Variants in STK3 observed in about 807,000 individuals in gnomAD.
The protein encoded by STK3 is serine/threonine-protein kinase 3.
STK3 carries 41 observed loss-of-function variants against 58.0 expected under a neutral mutation model. The observed-to-expected ratio is 0.71, with a 90% CI of 0.55 to 0.92. STK3 has a LOEUF of 0.92. Ranked by LOEUF, STK3 falls within the 40% of genes least tolerant of loss-of-function variation. The probability of loss-of-function intolerance (pLI) is 0.00; values close to 1 mark genes in which losing one functional copy is unlikely to be tolerated. For synonymous variants in STK3, 170 were observed against 191.0 expected (o/e 0.89, Z 0.91); for missense variants, 479 against 602.7 (o/e 0.79, Z 2.15).
chr8:98,903,557 C>CTTCTTCTTCTTCTTTT (rs1564093746), intron 1 of STK3, among the ~76,000 whole-genome samples: 1 of 9,928 alleles, frequency 1.0e-4, no homozygotes, highest in Non-Finnish European at 2.2e-4. Flanking sequence ...CTTCTTCTTC[C>CTTCTTCTTCTTCTTTT]TTTTTTTTTT....
chr8:98,436,857 T>G (rs748428928), intron 2 of STK3: 11 of 152,238 alleles, frequency 7.2e-5, no homozygotes, highest in Non-Finnish European at 1.6e-4. Flanking sequence ...CCCCTTGCAG[T>G]AGTGCCTCTG....
intron 6 of STK3, chr8:98,633,755 G>T: frequency 1.7e-6 from 1 of 583,534 alleles, no homozygotes; most frequent in Admixed American, 2.6e-5. Context: ...ACCAGCAAGA[G>T]CCAGAGAAGA....
At position 98,455,936 on chromosome 8, in the gene STK3, C is replaced by A. The variant is rs746947660; in HGVS notation, c.1382G>T (p.Arg461Leu). ...RLKALDPMMEREIEELRQRYT... is the reference protein window; with the variant it reads ...RLKALDPMMELEIEELRQRYT... Reference sequence around the variant, plus strand: ...TCTCTGACGAAGTTCTTCTATCTCCCGTTCCATCATGGGGTCCAGTGCTTT... The same window carrying A: ...TCTCTGACGAAGTTCTTCTATCTCCAGTTCCATCATGGGGTCCAGTGCTTT... The change falls in exon 11 of 11, where the codon CGG (arginine) becomes CTG (leucine). Residue 461 changes from arginine (R) to leucine (L), a missense_variant. By Grantham distance (102) the Arg-to-Leu change is moderately radical (BLOSUM62 -2). Coordinates refer to ENST00000419617, the MANE Select transcript of STK3 (RefSeq NM_006281.4). 6.2e-7 allele frequency: 1 copy of A among 1,613,292 alleles called. No homozygotes were observed. The highest frequency in any genetic ancestry group is 8.5e-7 in the Non-Finnish European group (1 of 1,179,658).
At chr8:98,645,343 G>A (rs1820321512) in intron 6 of STK3, among the ~76,000 whole-genome samples, 1 of 152,114 alleles carries the variant, frequency 6.6e-6, no homozygotes, top group African/African-American at 2.4e-5. Flanking sequence ...AACATTTTCA[G>A]AATGTCTAGC....
intron 6 of STK3, among the ~76,000 whole-genome samples, chr8:98,630,366 G>A (rs564308155): frequency 2.6e-5 from 4 of 152,330 alleles, no homozygotes; most frequent in African/African-American, 9.6e-5. Flanking sequence ...TTAAGGCTGG[G>A]CATGGTGGGT....
At chr8:98,612,969 C>G (rs1049203582) in intron 6 of STK3, among the ~76,000 whole-genome samples, 2 of 152,220 alleles carry the variant, frequency 1.3e-5, no homozygotes, top group African/African-American at 4.8e-5. Flanking sequence ...TCCAAACTGG[C>G]AGCAATGAGG....
chr8:98,791,968 A>C (rs1832831015), intron 1 of STK3, among the ~76,000 whole-genome samples: 1 of 152,238 alleles, frequency 6.6e-6, no homozygotes, highest in Non-Finnish European at 1.5e-5. Flanking sequence ...AATAGCTGGG[A>C]CTTAAACTAA....
chr8:98,657,813 T>A (rs971173550), intron 6 of STK3, among the ~76,000 whole-genome samples: 8 of 151,976 alleles, frequency 5.3e-5, no homozygotes, highest in Non-Finnish European at 8.8e-5. Flanking sequence ...ACAGACACAT[T>A]CTCAATAAAA....
At chr8:98,505,703 G>T (rs1293561647) in intron 10 of STK3, among the ~76,000 whole-genome samples, 1 of 152,188 alleles carries the variant, frequency 6.6e-6, no homozygotes, top group Admixed American at 6.5e-5. Context: ...GACTCTGTTT[G>T]CCTGGGTATC....
At chr8:98,893,500 GAA>G (rs776073460) in intron 1 of STK3, among the ~76,000 whole-genome samples, 31 of 117,282 alleles carry the variant, frequency 2.6e-4, no homozygotes, top group Non-Finnish European at 9.1e-5. Context: ...AAGAAAGAAA[GAA>G]AGAAAGAAAG....
At chr8:98,503,863 A>G (rs1028492798) in intron 10 of STK3, among the ~76,000 whole-genome samples, 16 of 152,232 alleles carry the variant, frequency 1.1e-4, no homozygotes, top group African/African-American at 3.9e-4. Context: ...TGGTGCTGAG[A>G]AGAATGTATA....
intron 6 of STK3, among the ~76,000 whole-genome samples, chr8:98,673,621 G>C (rs1396029145): frequency 6.6e-6 from 1 of 152,028 alleles, no homozygotes; most frequent in African/African-American, 2.4e-5. Flanking sequence ...CAGGTGGGAT[G>C]GTGGAGAATG....
At chr8:98,753,034 T>C (rs1248101098) in intron 3 of STK3, among the ~76,000 whole-genome samples, 1 of 151,872 alleles carries the variant, frequency 6.6e-6, no homozygotes, top group Non-Finnish European at 1.5e-5. Flanking sequence ...GTTCAACCAT[T>C]GTGGAAGATA....
intron 1 of STK3, among the ~76,000 whole-genome samples, chr8:98,902,078 T>G (rs1838679109): frequency 6.6e-6 from 1 of 152,138 alleles, no homozygotes; most frequent in African/African-American, 2.4e-5. Flanking sequence ...CATGATGTCA[T>G]CCTCTCCCGC....
intron 7 of STK3, among the ~76,000 whole-genome samples, chr8:98,590,925 T>G (rs1815256166): frequency 6.6e-6 from 1 of 152,226 alleles, no homozygotes; most frequent in African/African-American, 2.4e-5. Flanking sequence ...TATTCTATCA[T>G]AAATGTTTTA....
chr8:98,592,004 T>C (rs1243109001), intron 7 of STK3, among the ~76,000 whole-genome samples: 1 of 152,244 alleles, frequency 6.6e-6, no homozygotes, highest in Non-Finnish European at 1.5e-5. Flanking sequence ...TACTATTTTC[T>C]ATTTTGGCAA....
intron 6 of STK3, among the ~76,000 whole-genome samples, chr8:98,703,783 A>T (rs1168911724): frequency 2.0e-5 from 3 of 152,188 alleles, no homozygotes; most frequent in Non-Finnish European, 4.4e-5. Flanking sequence ...ACACTACCAT[A>T]GGAAGGCCCA....
intron 3 of STK3, among the ~76,000 whole-genome samples, chr8:98,851,600 G>A (rs1238869883): frequency 6.6e-6 from 1 of 152,070 alleles, no homozygotes; most frequent in East Asian, 1.9e-4. Flanking sequence ...GAAGAAACAT[G>A]AGGTTAAAAA....
chr8:98,603,240 T>A (rs541537491), intron 6 of STK3: 1 of 152,096 alleles, frequency 6.6e-6, no homozygotes, highest in Admixed American at 6.5e-5. Context: ...CAGTGTTTTT[T>A]TTTTTTATTT....
Sources: allele counts gnomAD v4.1 joint callset (sites outside exome capture counted in the v4.1 genomes callset), GRCh38; gene constraint gnomAD v4.1.1; transcripts MANE v1.5; gene names NCBI Gene and HGNC (gene_info 2026-07-23, HGNC 2026-07-21).